Variants in XRRA1 observed in about 807,000 individuals in gnomAD.
XRRA1 encodes X-ray radiation resistance-associated protein 1.
In XRRA1, 69 loss-of-function variants were observed where a neutral mutation model predicts 80.2. The ratio of observed to expected loss-of-function variants is 0.86; its 90% CI spans 0.71 to 1.05. The LOEUF (loss-of-function observed/expected upper bound fraction) is 1.05. XRRA1 is among the 50% of genes least tolerant of loss of function. XRRA1 has a pLI of 0.00. For missense variants in XRRA1, 967 were observed against 976.4 expected, an observed-to-expected ratio of 0.99 and a Z score of 0.13; for synonymous variants, 348 against 389.9, an observed-to-expected ratio of 0.89 and a Z score of 1.27.
chr11:74,866,414 T>TG (rs1272260216), intron 10 of XRRA1, among the ~76,000 whole-genome samples: 2 of 151,646 alleles, frequency 1.3e-5, no homozygotes, highest in Non-Finnish European at 2.9e-5. Flanking sequence ...CCACCATGCC[T>TG]GGTTAATGTT....
At chr11:74,881,175 G>T (rs1244289156) in intron 10 of XRRA1, among the ~76,000 whole-genome samples, 1 of 150,274 alleles carries the variant, frequency 6.7e-6, no homozygotes, top group Non-Finnish European at 1.5e-5. Context: ...ATTTAGGATA[G>T]TTAGCTCTTC....
intron 8 of XRRA1, among the ~76,000 whole-genome samples, chr11:74,907,829 GGAGAAGTT>G (rs2054980578): frequency 1.3e-5 from 2 of 152,146 alleles, no homozygotes; most frequent in Admixed American, 6.5e-5. Flanking sequence ...AGTAAGGAGT[GGAGAAGTT>G]TCTCCTTAAA....
intron 10 of XRRA1, among the ~76,000 whole-genome samples, chr11:74,897,018 A>G (rs1345235708): frequency 6.6e-6 from 1 of 152,174 alleles, no homozygotes; most frequent in African/African-American, 2.4e-5. Context: ...CACCAAATGA[A>G]CTAAATAAGG....
chr11:74,847,442 C>T (rs1591517382), intron 15 of XRRA1, among the ~76,000 whole-genome samples: 1 of 152,232 alleles, frequency 6.6e-6, no homozygotes, highest in African/African-American at 2.4e-5. Flanking sequence ...TGCACTGACA[C>T]TAAACATTTG....
At chr11:74,857,335 G>A (rs1003151432) in intron 12 of XRRA1, among the ~76,000 whole-genome samples, 7 of 151,682 alleles carry the variant, frequency 4.6e-5, no homozygotes, top group Admixed American at 3.3e-4. Context: ...TAAGTATAAG[G>A]AAGCAAACAA....
At chr11:74,843,560 A>G in intron 18 of XRRA1, 107 bp from the exon 19 acceptor site, 2 of 1,456,534 alleles carry the variant, frequency 1.4e-6, no homozygotes, top group South Asian at 2.7e-5. Context: ...ATGGTGTGGC[A>G]GGAGGATGCT....
At chr11:74,854,438 A>T (rs2040606477) in intron 12 of XRRA1, among the ~76,000 whole-genome samples, 2 of 152,186 alleles carry the variant, frequency 1.3e-5, no homozygotes, top group Non-Finnish European at 2.9e-5. Context: ...TGCAGACCAT[A>T]TGGTTTCTGT....
At chr11:74,856,947 TCTC>T (rs1019476459) in intron 12 of XRRA1, among the ~76,000 whole-genome samples, 6 of 151,740 alleles carry the variant, frequency 4.0e-5, no homozygotes, top group African/African-American at 1.5e-4. Context: ...ACATTAGAGG[TCTC>T]CTACTGCTGG....
intron 8 of XRRA1, among the ~76,000 whole-genome samples, chr11:74,907,630 T>C (rs1433778808): frequency 6.6e-6 from 1 of 152,112 alleles, no homozygotes; most frequent in Non-Finnish European, 1.5e-5. Context: ...CTGCACAATT[T>C]TGACTCAGGA....
rs1322602515 is a variant in XRRA1, at chr11:74,921,250, A to G, written c.620T>C (p.Leu207Pro). ...LRVLLLTGNG[L>P]TSLPPNLAVA... ...GGCCAAATTGGGCGGCAGGGAGGTA[A>G]GGCCATTGCCTGTGAGGAGCAGGAC... The change falls in exon 8 of 19, where the codon CTT becomes CCT. Residue 207 changes from leucine to proline, a missense_variant. Leu to Pro is a moderately conservative substitution (Grantham distance 98). Coordinates refer to ENST00000684022, the MANE Select transcript of XRRA1 (RefSeq NM_001378157.1). The G allele has an allele frequency of 1.3e-5, 21 of 1,613,872 alleles. No homozygotes were observed. Among genetic ancestry groups the G allele is most frequent in the Non-Finnish European group, 1.6e-5 (19 of 1,179,864 alleles).
intron 15 of XRRA1, among the ~76,000 whole-genome samples, chr11:74,846,789 T>C (rs2038310600): frequency 6.6e-6 from 1 of 152,084 alleles, no homozygotes. Context: ...CCTAATATCA[T>C]AATTAATGGT....
At chr11:74,897,175 G>A (rs185135599) in intron 10 of XRRA1, among the ~76,000 whole-genome samples, 81 of 151,990 alleles carry the variant, frequency 5.3e-4, no homozygotes, top group African/African-American at 1.9e-3. Flanking sequence ...CAAACAGATC[G>A]AAATAATTAA....
intron 7 of XRRA1, among the ~76,000 whole-genome samples, chr11:74,926,709 T>C (rs1205450755): frequency 6.6e-6 from 1 of 152,176 alleles, no homozygotes. Context: ...TATAAGGACA[T>C]GTGCAGAAAA....
At position 74,907,219 on chromosome 11, in the gene XRRA1, C is replaced by T. The variant is rs145571337; in HGVS notation, c.711G>A (p.Ala237=). The change falls in exon 9 of 19, where the codon GCG becomes GCA. Residue 237 remains alanine (A), a synonymous_variant. Coordinates refer to ENST00000684022, the MANE Select transcript of XRRA1 (RefSeq NM_001378157.1). ...TGTCATCCAGCATCAGTGTCTCCAG[C>T]GCTGGGAACCTCAGGATGTACCTCT... ...TSKRYILRFP[A]LETLMLDDNR... is the part of the protein sequence containing the mutation. 328 of 1,613,964 alleles carry T rather than the reference C, an allele frequency of 2.0e-4. 1 individual carries two copies. The East Asian group carries it at 5.5e-3, about 27-fold the overall frequency.
chr11:74,847,311 T>G (rs1161860237), intron 15 of XRRA1, among the ~76,000 whole-genome samples: 1 of 152,140 alleles, frequency 6.6e-6, no homozygotes, highest in African/African-American at 2.4e-5. Context: ...GTGAGCAGAC[T>G]GGAGGGGCAA....
rs72988516 is a variant in XRRA1, at chr11:74,902,921, T to C, written c.1003+3318A>G. ...GTACATTTAAAAATAACTAAAAGAG[T>C]ATATTACATGCCTATACCAAAATAT... On this transcript the variant is annotated intron_variant, in intron 10 of 18. Transcript: ENST00000684022. Among the ~76,000 whole-genome samples the C allele has an allele frequency of 2.9e-3, 439 of 152,076 alleles. 1 individual carries two copies. The highest frequency in any genetic ancestry group is 5.0e-3 in the Non-Finnish European group (343 of 67,970).
chr11:74,906,282 C>G lies in XRRA1; in HGVS notation c.960G>C (p.Leu320=). ...PRMLEDSDEQ[L]DYTVLPMKKD... ...TTTTCATGGGCAGTACAGTATAATC[C>G]AGTTGCTCATCTGAGTCCTCAAGCA... Residue 320 remains leucine, a synonymous_variant, in exon 10 of 19, where the codon CTG becomes CTC. Coordinates refer to ENST00000684022, the MANE Select transcript of XRRA1 (RefSeq NM_001378157.1). The G allele has an allele frequency of 6.2e-7, 1 of 1,613,944 alleles. No individual in the cohort carries two copies. Among genetic ancestry groups the G allele is most frequent in the Non-Finnish European group, 8.5e-7 (1 of 1,179,888 alleles).
intron 10 of XRRA1, among the ~76,000 whole-genome samples, chr11:74,878,896 G>C (rs574082474): frequency 6.6e-6 from 1 of 151,944 alleles, no homozygotes; most frequent in East Asian, 1.9e-4. Flanking sequence ...GTCAGGTAGT[G>C]TGATGCCTCC....
intron 10 of XRRA1, among the ~76,000 whole-genome samples, chr11:74,892,869 C>T (rs1415321732): frequency 6.6e-6 from 1 of 151,554 alleles, no homozygotes; most frequent in African/African-American, 2.4e-5. Flanking sequence ...CCATCTCACA[C>T]CAGTTAGAAT....
Sources: allele counts gnomAD v4.1 joint callset (sites outside exome capture counted in the v4.1 genomes callset), GRCh38; gene constraint gnomAD v4.1.1; transcripts MANE v1.5; gene names NCBI Gene and HGNC (gene_info 2026-07-23, HGNC 2026-07-21).